Variants in SHROOM3 observed in about 807,000 individuals in gnomAD.
SHROOM3 encodes shroom family member 3.
A neutral mutation model predicts 138.6 loss-of-function variants in SHROOM3; 47 were observed. The ratio of observed to expected loss-of-function variants is 0.34; its 90% CI spans 0.27 to 0.43. SHROOM3 has a LOEUF of 0.43. Ranked by LOEUF, SHROOM3 falls within the 20% of genes least tolerant of loss-of-function variation. The pLI is 1.00. For synonymous variants in SHROOM3, 1,062 were observed against 1,063.3 expected, an observed-to-expected ratio of 1.00 and a Z score of 0.02; for missense variants, 2,491 against 2,596.5, an observed-to-expected ratio of 0.96 and a Z score of 0.88.
intron 10 of SHROOM3, among the ~76,000 whole-genome samples, chr4:76,771,604 G>T (rs1352242041): frequency 1.3e-5 from 2 of 152,184 alleles, no homozygotes; most frequent in African/African-American, 4.8e-5. Context: ...ACGCACCAGG[G>T]TGTCTCCACT....
intron 2 of SHROOM3, among the ~76,000 whole-genome samples, chr4:76,704,012 G>A (rs1719976315): frequency 6.6e-6 from 1 of 152,208 alleles, no homozygotes; most frequent in South Asian, 2.1e-4. Context: ...TGCCGCTAAT[G>A]AGATGGATCA....
chr4:76,753,147 G>A (rs370825370), intron 6 of SHROOM3, among the ~76,000 whole-genome samples: 39 of 152,220 alleles, frequency 2.6e-4, no homozygotes, highest in African/African-American at 9.4e-4. Context: ...CTATGGAGAG[G>A]TTCCTGGTAA....
intron 1 of SHROOM3, among the ~76,000 whole-genome samples, chr4:76,457,792 T>G (rs1417328443): frequency 6.6e-6 from 1 of 150,506 alleles, no homozygotes; most frequent in Non-Finnish European, 1.5e-5. Flanking sequence ...GCCTGGCTTT[T>G]CTTTTCTTTT....
chr4:76,631,201 A>ATTTTT (rs746759523), intron 2 of SHROOM3, among the ~76,000 whole-genome samples: 20 of 89,716 alleles, frequency 2.2e-4, no homozygotes, highest in Admixed American at 3.7e-4. Flanking sequence ...CTTTTTTTTA[A>ATTTTT]TCTTTTTTTT....
chr4:76,686,300 G>C (rs562386059), intron 2 of SHROOM3, among the ~76,000 whole-genome samples: 2 of 152,066 alleles, frequency 1.3e-5, no homozygotes, highest in South Asian at 2.1e-4. Flanking sequence ...GCCCAGCCTC[G>C]TAGACTATTT....
chr4:76,503,365 A>G (rs185699148), intron 1 of SHROOM3, among the ~76,000 whole-genome samples: 1 of 152,106 alleles, frequency 6.6e-6, no homozygotes, highest in South Asian at 2.1e-4. Flanking sequence ...ATTTATTCCT[A>G]TGTGTTCGAT....
At chr4:76,532,757 T>C (rs56694583) in intron 1 of SHROOM3, among the ~76,000 whole-genome samples, 18,811 of 152,212 alleles carry the variant, frequency 0.12, 1,697 homozygotes, top group African/African-American at 0.25. Flanking sequence ...CATTTTTTTT[T>C]CTAAAGTCAA....
rs188195471 is a variant in SHROOM3, at chr4:76,583,043, G to A, written c.323+27280G>A. 4.8e-3 allele frequency among the ~76,000 whole-genome samples: 735 copies of A among 151,808 alleles called. 3 individuals are homozygous for A. The highest frequency in any genetic ancestry group is 8.7e-3 in the Non-Finnish European group (590 of 68,032). On this transcript the variant is annotated intron_variant, in intron 2 of 10. Transcript: ENST00000296043. ...AGCATTCCACATGAGGAACAGATGCGTTTGTTTTTGATCACAGCTGAGTCT... is the reference window on the plus strand; with the variant it reads ...AGCATTCCACATGAGGAACAGATGCATTTGTTTTTGATCACAGCTGAGTCT...
chr4:76,712,314 T>C (rs961772772), intron 3 of SHROOM3, among the ~76,000 whole-genome samples: 5 of 152,158 alleles, frequency 3.3e-5, no homozygotes, highest in African/African-American at 4.8e-5. Context: ...GAGTGACTGC[T>C]GAGTTGCTGG....
chr4:76,737,875 A>G (rs1300803700), intron 4 of SHROOM3, among the ~76,000 whole-genome samples: 1 of 152,044 alleles, frequency 6.6e-6, no homozygotes, highest in Non-Finnish European at 1.5e-5. Flanking sequence ...AAACACATAT[A>G]TTTTGAGTTT....
At chr4:76,604,565 A>G (rs1273057250) in intron 2 of SHROOM3, among the ~76,000 whole-genome samples, 3 of 152,138 alleles carry the variant, frequency 2.0e-5, no homozygotes, top group African/African-American at 7.2e-5. Flanking sequence ...TGATCTCTTC[A>G]AAGTTGGAAT....
intron 2 of SHROOM3, among the ~76,000 whole-genome samples, chr4:76,594,064 A>G (rs1387345420): frequency 6.6e-6 from 1 of 152,210 alleles, no homozygotes; most frequent in Non-Finnish European, 1.5e-5. Flanking sequence ...ACCCAATGAC[A>G]GAGCTACAGT....
intron 1 of SHROOM3, among the ~76,000 whole-genome samples, chr4:76,440,371 G>A (rs955365626): frequency 2.6e-5 from 4 of 152,198 alleles, no homozygotes; most frequent in Middle Eastern, 3.4e-3. Context: ...GAGTCCATGC[G>A]CCTCACACCC....
chr4:76,584,026 A>C (rs1577900721), intron 2 of SHROOM3, among the ~76,000 whole-genome samples: 1 of 152,342 alleles, frequency 6.6e-6, no homozygotes, highest in African/African-American at 2.4e-5. Flanking sequence ...CTAAAGAGTG[A>C]CATAGAGGCT....
intron 2 of SHROOM3, among the ~76,000 whole-genome samples, chr4:76,587,965 A>C (rs1422043633): frequency 2.0e-5 from 3 of 152,222 alleles, no homozygotes; most frequent in African/African-American, 7.2e-5. Context: ...ATATAAATCA[A>C]AGGTAATTTC....
At chr4:76,519,408 A>G (rs1365292798) in intron 1 of SHROOM3, among the ~76,000 whole-genome samples, 1 of 152,236 alleles carries the variant, frequency 6.6e-6, no homozygotes, top group Non-Finnish European at 1.5e-5. Flanking sequence ...GGTAAACAGA[A>G]AAAAGCAGAA....
chr4:76,514,332 A>T (rs1319322411), intron 1 of SHROOM3, among the ~76,000 whole-genome samples: 1 of 152,232 alleles, frequency 6.6e-6, no homozygotes, highest in Non-Finnish European at 1.5e-5. Flanking sequence ...AAAAAGAATG[A>T]TGTACTGATA....
intron 3 of SHROOM3, among the ~76,000 whole-genome samples, chr4:76,723,036 T>G: frequency 6.6e-6 from 1 of 151,752 alleles, no homozygotes; most frequent in Middle Eastern, 3.2e-3. Context: ...GAAGAGCCCA[T>G]GCAACATGTG....
intron 1 of SHROOM3, among the ~76,000 whole-genome samples, chr4:76,515,043 C>T (rs562644832): frequency 6.2e-4 from 94 of 152,034 alleles, no homozygotes; most frequent in African/African-American, 1.9e-3. Flanking sequence ...GGTGAAACCC[C>T]GTCTCTACTA....
Sources: allele counts gnomAD v4.1 joint callset (sites outside exome capture counted in the v4.1 genomes callset), GRCh38; gene constraint gnomAD v4.1.1; transcripts MANE v1.5; gene names NCBI Gene and HGNC (gene_info 2026-07-23, HGNC 2026-07-21).